TTN: variants seen among roughly 807,000 people sequenced by gnomAD.
TTN encodes the protein titin, also known as connectin.
TTN carries 1,525 observed loss-of-function variants against 3,223.0 expected under a neutral mutation model. The observed-to-expected ratio is 0.47, with a 90% CI of 0.45 to 0.49. The LOEUF (loss-of-function observed/expected upper bound fraction) is 0.49. Ranked by LOEUF, TTN falls within the 20% of genes least tolerant of loss-of-function variation. The pLI is 0.00. For missense variants in TTN, 40,786 were observed against 43,424.0 expected, an observed-to-expected ratio of 0.94 and a Z score of 5.40; for synonymous variants, 14,094 against 15,161.0, an observed-to-expected ratio of 0.93 and a Z score of 5.17.
In TTN at chr2:178,775,653, G is replaced by A; in HGVS notation, c.6211C>T (p.Leu2071=). 6.2e-7 allele frequency: 1 copy of A among 1,614,112 alleles called. No homozygotes were observed. Among genetic ancestry groups the A allele is most frequent in the Non-Finnish European group, 8.5e-7 (1 of 1,179,994 alleles). The change falls in exon 28 of 363, where the codon CTA becomes TTA. Residue 2071 remains leucine (L), a synonymous_variant. Coordinates refer to ENST00000589042, the MANE Select transcript of TTN (RefSeq NM_001267550.2). ...TTTGGAGCCTCCATACTAGGACTTAGTTCAATCTTGTCAGGTTTAAAAGTT... is the reference window on the plus strand; with the variant it reads ...TTTGGAGCCTCCATACTAGGACTTAATTCAATCTTGTCAGGTTTAAAAGTT... ...IPTFKPDKIE[L]SPSMEAPKIF... is the part of the protein sequence containing the mutation.
chr2:178,704,740 A>G lies in TTN; in HGVS notation c.29732T>C (p.Val9911Ala). The change falls in exon 105 of 363, where the codon GTT becomes GCT. Residue 9911 changes from valine (V) to alanine (A), a missense_variant. By Grantham distance (64) the Val-to-Ala change is moderately conservative. Transcript: ENST00000589042. ...AAAGACAGCATCATTATCTTTCAAAACTGTCTGATTTTCAATGTCCTTGAT... is the reference window on the plus strand; with the variant it reads ...AAAGACAGCATCATTATCTTTCAAAGCTGTCTGATTTTCAATGTCCTTGAT... The part of the protein sequence containing the change: ...TLIKDIENQT[V>A]LKDNDAVFEI... The G allele has an allele frequency of 6.2e-7, 1 of 1,610,652 alleles. No individual in the cohort carries two copies. Among genetic ancestry groups the G allele is most frequent in the Non-Finnish European group, 8.5e-7 (1 of 1,179,514 alleles).
chr2:178,575,631 C>T lies in TTN; in HGVS notation c.70501G>A (p.Glu23501Lys), dbSNP rs1709809170. 1.9e-6 allele frequency: 3 copies of T among 1,613,572 alleles called. No individual in the cohort carries two copies. Among genetic ancestry groups the T allele is most frequent in the South Asian group, 2.2e-5 (2 of 91,062 alleles). Reference sequence around the variant, plus strand: ...ACTCTGAAGAAATATTCACACCCTTCAGACAAGCCGGTAACTTTATATGTG... The same window carrying T: ...ACTCTGAAGAAATATTCACACCCTTTAGACAAGCCGGTAACTTTATATGTG... ...KCTYKVTGLS[E>K]GCEYFFRVMA... The change falls in exon 326 of 363, where the codon GAA becomes AAA. Residue 23501 changes from glutamate to lysine, a missense_variant. Transcript: ENST00000589042. The surrounding 1 kb of genome is among the most constrained non-coding windows in gnomAD (Gnocchi z 4.0).
chr2:178,682,943 G>A, intron 134 of TTN, 40 bp from the exon 135 acceptor site: 1 of 1,505,324 alleles, frequency 6.6e-7, no homozygotes, highest in African/African-American at 1.4e-5. Context: ...TTACTTTAAA[G>A]CACTTTTAAG....
At chr2:178,781,924 GT>G (rs2092802237) in intron 20 of TTN, among the ~76,000 whole-genome samples, 1 of 151,908 alleles carries the variant, frequency 6.6e-6, no homozygotes, top group Non-Finnish European at 1.5e-5. Context: ...GTGTGTGTGT[GT>G]GTGTGGGTGT....
chr2:178,790,130 G>C lies in TTN; in HGVS notation c.1801-15C>G, dbSNP rs2093411223. On this transcript the variant is annotated splice_polypyrimidine_tract_variant and intron_variant, in intron 11 of 362. Coordinates refer to ENST00000589042, the MANE Select transcript of TTN (RefSeq NM_001267550.2). ...TCCTTCATTATCTGATCATACAAAA[G>C]AAAGTAAGAAAATAGTCATTAAATT... is the stretch of plus-strand genomic sequence containing the variant. The C allele has an allele frequency of 1.7e-5, 28 of 1,609,086 alleles. No individual in the cohort carries two copies. The highest frequency in any genetic ancestry group is 2.3e-5 in the Non-Finnish European group (27 of 1,177,748).
chr2:178,784,695 C>T (rs2093042380), intron 15 of TTN, among the ~76,000 whole-genome samples: 1 of 152,154 alleles, frequency 6.6e-6, no homozygotes, highest in South Asian at 2.1e-4. Context: ...GAAAATACCA[C>T]AGTGGGAGAT....
At position 178,537,639 on chromosome 2, in the gene TTN, G is replaced by A. The variant is rs778646763; in HGVS notation, c.99568C>T (p.Leu33190=). 1.9e-6 allele frequency: 3 copies of A among 1,613,758 alleles called. No individual in the cohort carries two copies. Among genetic ancestry groups the A allele is most frequent in the Non-Finnish European group, 2.5e-6 (3 of 1,179,754 alleles). ...GEVETSSKLL[L]QATPQFHPGY... is the part of the protein sequence containing the mutation. ...GGATGGAACTGCGGTGTTGCTTGCA[G>A]GAGAAGCTTACTACTGGTTTCTACT... is the stretch of plus-strand genomic sequence containing the variant. The change falls in exon 355 of 363, where the codon CTG becomes TTG. Residue 33190 remains leucine (L), a synonymous_variant. Coordinates refer to ENST00000589042, the MANE Select transcript of TTN (RefSeq NM_001267550.2).
chr2:178,546,697 TC>T lies in TTN; in HGVS notation c.94730del (p.Gly31577GlufsTer9). The T allele has an allele frequency of 6.2e-7, 1 of 1,613,816 alleles. No individual in the cohort carries two copies. The highest frequency in any genetic ancestry group is 8.5e-7 in the Non-Finnish European group (1 of 1,179,764). On this transcript the variant is annotated frameshift_variant, in exon 341 of 363. Coordinates refer to ENST00000589042, the MANE Select transcript of TTN (RefSeq NM_001267550.2). LOFTEE classifies it high-confidence loss of function. ...CTAACACACGGAACTCATAAGTGTC[TC>T]CTTCACTGAGAGCAGTCACGGTGAA... Reference protein sequence around the residue: ...NFFTVTALSEGDTYEFRVLAK... With the variant: ...NFFTVTALSEXDTYEFRVLAK...
chr2:178,632,073 AT>A, intron 236 of TTN, 73 bp downstream of exon 236: 2 of 1,441,950 alleles, frequency 1.4e-6, no homozygotes, highest in Non-Finnish European at 1.8e-6. Context: ...TTAGAAGACT[AT>A]TTTATAGAAT....
chr2:178,727,957 G>C, intron 67 of TTN, 94 bp from the exon 68 acceptor site: 1 of 1,429,474 alleles, frequency 7.0e-7, no homozygotes, highest in Non-Finnish European at 9.3e-7. Context: ...CTCTTGGAAA[G>C]AGGCAATGGC....
chr2:178,587,840 T>C, intron 305 of TTN, 40 bp from the exon 306 acceptor site: 1 of 1,566,612 alleles, frequency 6.4e-7, no homozygotes, highest in Non-Finnish European at 8.6e-7. Context: ...TTTTTCAGAA[T>C]GTGGGGAAAT....
Position 178,711,046 on chromosome 2 carries a change from T to G in TTN, c.28174+16A>C, listed in dbSNP as rs1424529114. 1.3e-6 allele frequency: 2 copies of G among 1,557,120 alleles called. No individual in the cohort carries two copies. The highest frequency in any genetic ancestry group is 2.2e-5 in the East Asian group (1 of 44,476). On this transcript the variant is annotated intron_variant, in intron 97 of 362. Transcript: ENST00000589042. ...ATACTTTAATTCTAGAAATGAAAGT[T>G]TAAGAATCCACAAACCTGTGAGAAT... is the stretch of plus-strand genomic sequence containing the variant.
In TTN at chr2:178,561,566, T is replaced by C. The variant is rs1489877895; in HGVS notation, c.84566A>G (p.Tyr28189Cys). 2 of 1,613,324 alleles carry C rather than the reference T, an allele frequency of 1.2e-6. No individual in the cohort carries two copies. Among genetic ancestry groups the C allele is most frequent in the Non-Finnish European group, 1.7e-6 (2 of 1,179,564 alleles). ...VNDGGSRVIGYHLEYKERSSI... is the reference protein window; with the variant it reads ...VNDGGSRVIGCHLEYKERSSI... The stretch of plus-strand genomic sequence containing the variant: ...GCTTCTTTCTTTATACTCAAGATGA[T>C]AGCCAATTACTCGACTTCCTCCATC... The change falls in exon 326 of 363, where the codon TAT becomes TGT. Residue 28189 changes from tyrosine to cysteine, a missense_variant. Tyr to Cys is a radical substitution (Grantham distance 194, BLOSUM62 -2). Coordinates refer to ENST00000589042, the MANE Select transcript of TTN (RefSeq NM_001267550.2).
rs372382315 is a variant in TTN, at chr2:178,575,641, G to A, written c.70491C>T (p.Thr23497=). ...AATATTCACACCCTTCAGACAAGCCGGTAACTTTATATGTGCATTTATGGC... is the reference window on the plus strand; with the variant it reads ...AATATTCACACCCTTCAGACAAGCCAGTAACTTTATATGTGCATTTATGGC... ...TKCHKCTYKV[T]GLSEGCEYFF... Residue 23497 remains threonine (T), a synonymous_variant, in exon 326 of 363, where the codon ACC becomes ACT. Coordinates refer to ENST00000589042, the MANE Select transcript of TTN (RefSeq NM_001267550.2). The surrounding 1 kb of genome is among the most constrained non-coding windows in gnomAD (Gnocchi z 4.0). 2.5e-4 allele frequency: 403 copies of A among 1,613,516 alleles called. 1 individual carries two copies. Among genetic ancestry groups the A allele is most frequent in the Middle Eastern group, 3.3e-4 (2 of 6,054 alleles).
Position 178,582,010 on chromosome 2 carries a change from A to C in TTN, c.66359T>G (p.Leu22120Arg). The C allele has an allele frequency of 6.2e-7, 1 of 1,613,328 alleles. No individual in the cohort carries two copies. Among genetic ancestry groups the C allele is most frequent in the Non-Finnish European group, 8.5e-7 (1 of 1,179,498 alleles). Reference sequence around the variant, plus strand: ...GAACTCATATTCGGTACCTTCTTGAAGACCTGTTGCTTTTAATGTTCTTTC... The same window carrying C: ...GAACTCATATTCGGTACCTTCTTGACGACCTGTTGCTTTTAATGTTCTTTC... ...IIERTLKATG[L>R]QEGTEYEFRV... Residue 22120 changes from leucine (L) to arginine (R), a missense_variant, in exon 315 of 363, where the codon CTT becomes CGT. By Grantham distance (102) the Leu-to-Arg change is moderately radical. Transcript: ENST00000589042.
At chr2:178,618,878 C>A in intron 250 of TTN, 25 bp from the exon 251 acceptor site, 1 of 1,600,452 alleles carries the variant, frequency 6.2e-7, no homozygotes, top group Non-Finnish European at 8.5e-7. Flanking sequence ...AACATGTGAA[C>A]GCTTTCGACT....
Position 178,642,239 on chromosome 2 carries a change from C to T in TTN, c.40556G>A (p.Ser13519Asn). The T allele has an allele frequency of 6.3e-7, 1 of 1,582,388 alleles. No homozygotes were observed. The highest frequency in any genetic ancestry group is 8.6e-7 in the Non-Finnish European group (1 of 1,162,756). ...AGAATGGTTGAAAAATACTATACCG[C>T]TTTTCAGAACAACTTCTTCCTTTGG... ...PEPKEEVVLK[S>N]VLRKRPEEEE... Residue 13519 changes from serine (S) to asparagine (N), a missense_variant and splice_region_variant, in exon 219 of 363, where the codon AGC becomes AAC. Ser to Asn is a conservative substitution (Grantham distance 46). Transcript: ENST00000589042.
chr2:178,691,058 G>A (rs2072284628), intron 121 of TTN, among the ~76,000 whole-genome samples: 1 of 152,122 alleles, frequency 6.6e-6, no homozygotes, highest in Non-Finnish European at 1.5e-5. Flanking sequence ...TTACTAACAT[G>A]ACCTTTGTAT....
At chr2:178,754,328 C>T (rs959160960) in intron 46 of TTN, among the ~76,000 whole-genome samples, 4 of 152,068 alleles carry the variant, frequency 2.6e-5, no homozygotes, top group African/African-American at 9.7e-5. Context: ...CCTGATCTTT[C>T]ACTCTTCAAA....
Sources: gnomAD v4.1 joint callset for allele counts (sites outside exome capture counted in the v4.1 genomes callset) on GRCh38, gnomAD v4.1.1 for gene constraint, Gnocchi (gnomAD v3.1) non-coding constraint, MANE v1.5 for transcripts, NCBI Gene and HGNC (gene_info 2026-07-23, HGNC 2026-07-21) for gene names.